The following ZNF385D variants were observed in gnomAD, a reference collection of about 807,000 sequenced individuals.
ZNF385D encodes the protein zinc finger protein 659.
Under a neutral mutation model 35.8 loss-of-function variants are expected in ZNF385D, and 15 were observed. The observed-to-expected ratio is 0.42, with a 90% CI of 0.28 to 0.64. The LOEUF is 0.64. Ranked by LOEUF, ZNF385D falls within the 30% of genes least tolerant of loss-of-function variation. The probability of loss-of-function intolerance (pLI) is 0.23; values close to 1 mark genes in which losing one functional copy is unlikely to be tolerated. For missense variants in ZNF385D, 474 were observed against 494.6 expected (o/e 0.96, Z 0.39); for synonymous variants, 212 against 186.8 (o/e 1.13, Z -1.10).
chr3:21,745,955 T>G, intron 1 of ZNF385D, among the ~76,000 whole-genome samples: 1 of 152,222 alleles, frequency 6.6e-6, no homozygotes, highest in South Asian at 2.1e-4. Flanking sequence ...CTTAATGTAT[T>G]ACATTTCAAA....
At chr3:22,318,826 A>G (rs931753272) in intron 2 of ZNF385D, among the ~76,000 whole-genome samples, 5 of 152,324 alleles carry the variant, frequency 3.3e-5, no homozygotes, top group Admixed American at 3.3e-4. Context: ...AATGATTAGC[A>G]GACTGGAAGT....
rs1210654351 is a variant in ZNF385D at position 21,952,144 on chromosome 3, T to A, written c.325+216673A>T. ...TCAATTGTTATATGTGATGTAAATATGATGTAGTAACTATGATGGTTTCCT... is the reference window on the plus strand; with the variant it reads ...TCAATTGTTATATGTGATGTAAATAAGATGTAGTAACTATGATGGTTTCCT... On this transcript the variant is annotated intron_variant, in intron 3 of 5. Transcript: ENST00000494108. Among the ~76,000 whole-genome samples, 2 of 152,034 alleles carry A rather than the reference T, an allele frequency of 1.3e-5. 1 individual carries two copies. The highest frequency in any genetic ancestry group is 4.8e-5 in the African/African-American group (2 of 41,444).
At chr3:21,768,478 C>T (rs1463787746) in intron 3 of ZNF385D, among the ~76,000 whole-genome samples, 1 of 151,804 alleles carries the variant, frequency 6.6e-6, no homozygotes, top group East Asian at 1.9e-4. Flanking sequence ...CTATTGAAGG[C>T]TTCAAACTTC....
chr3:21,511,532 C>A (rs1707200704), intron 3 of ZNF385D: 2 of 372,226 alleles, frequency 5.4e-6, no homozygotes, highest in African/African-American at 2.1e-5. Flanking sequence ...GAGATTGAAG[C>A]TTTAGAGTTC....
intron 2 of ZNF385D, among the ~76,000 whole-genome samples, chr3:22,180,112 C>T (rs571477740): frequency 1.3e-5 from 2 of 152,234 alleles, no homozygotes; most frequent in African/African-American, 4.8e-5. Flanking sequence ...GATATAACCA[C>T]CTATCCCACA....
chr3:21,663,912 TA>T lies in ZNF385D; in HGVS notation c.165+973del, dbSNP rs1345431515. Among the ~76,000 whole-genome samples, 88 of 126,818 alleles carry T rather than the reference TA, an allele frequency of 6.9e-4. 3 individuals are homozygous for T. The highest frequency in any genetic ancestry group is 1.5e-3 in the Admixed American group (19 of 12,340). 83.2% of individuals were successfully genotyped at this position (126,818 alleles called of 152,430 possible). On this transcript the variant is annotated intron_variant, in intron 2 of 7. Transcript: ENST00000281523. ...CCGAATATATATATATATATATATA[TA>T]TATATTTATTTATTTAAATCCATCA... is the stretch of plus-strand genomic sequence containing the variant.
At chr3:21,446,833 A>C (rs1702183825) in intron 4 of ZNF385D, among the ~76,000 whole-genome samples, 1 of 152,084 alleles carries the variant, frequency 6.6e-6, no homozygotes, top group Admixed American at 6.6e-5. Context: ...TTTGATAACA[A>C]ATGAGGAAGG....
chr3:22,325,106 A>G (rs566440679), intron 2 of ZNF385D, among the ~76,000 whole-genome samples: 128 of 152,362 alleles, frequency 8.4e-4, no homozygotes, highest in African/African-American at 3.0e-3. Flanking sequence ...TATAAAGTGT[A>G]ATTATGTATA....
chr3:22,258,790 T>C (rs1421125909), intron 2 of ZNF385D, among the ~76,000 whole-genome samples: 1 of 151,816 alleles, frequency 6.6e-6, no homozygotes, highest in Non-Finnish European at 1.5e-5. Flanking sequence ...TAACATGTTT[T>C]ATAAAAAATA....
intron 3 of ZNF385D, chr3:21,878,253 G>T (rs1419015565): frequency 6.6e-6 from 1 of 151,888 alleles, no homozygotes; most frequent in Admixed American, 6.6e-5. Context: ...TCATAAAAAC[G>T]AGAGTTTGGA....
intron 3 of ZNF385D, among the ~76,000 whole-genome samples, chr3:21,553,440 A>G (rs551526317): frequency 6.6e-6 from 1 of 152,334 alleles, no homozygotes; most frequent in East Asian, 1.9e-4. Context: ...GCTATTGCTG[A>G]AAAATGCTAA....
intron 2 of ZNF385D, among the ~76,000 whole-genome samples, chr3:22,364,476 T>C (rs1002954546): frequency 6.6e-6 from 1 of 152,016 alleles, no homozygotes; most frequent in African/African-American, 2.4e-5. Context: ...GACATACAAA[T>C]GGCTAACGAG....
chr3:22,010,704 A>T (rs1031190883), intron 3 of ZNF385D, among the ~76,000 whole-genome samples: 1 of 152,214 alleles, frequency 6.6e-6, no homozygotes, highest in Non-Finnish European at 1.5e-5. Flanking sequence ...CCTCGCTCAG[A>T]GCCAGAAGAG....
At chr3:21,887,231 G>T (rs946384892) in intron 3 of ZNF385D, among the ~76,000 whole-genome samples, 1 of 152,074 alleles carries the variant, frequency 6.6e-6, no homozygotes, top group South Asian at 2.1e-4. Context: ...AAGATATTTG[G>T]GCTTGTGGAT....
chr3:22,302,408 T>C (rs576618384), intron 2 of ZNF385D, among the ~76,000 whole-genome samples: 2 of 151,744 alleles, frequency 1.3e-5, no homozygotes, highest in South Asian at 2.1e-4. Flanking sequence ...ATAATTGTAT[T>C]GGTATATGCA....
chr3:22,097,038 GA>G (rs1398341463), intron 3 of ZNF385D, among the ~76,000 whole-genome samples: 3 of 152,062 alleles, frequency 2.0e-5, no homozygotes. Context: ...ACAAGGAGAG[GA>G]TCTCTAGGAG....
chr3:21,532,742 A>G (rs557427097), intron 3 of ZNF385D, among the ~76,000 whole-genome samples: 2 of 150,770 alleles, frequency 1.3e-5, no homozygotes, highest in African/African-American at 4.8e-5. Context: ...GTTTTTGTTT[A>G]TCTCTCACCA....
At chr3:22,086,333 C>A (rs1348384353) in intron 3 of ZNF385D, among the ~76,000 whole-genome samples, 1 of 152,186 alleles carries the variant, frequency 6.6e-6, no homozygotes, top group African/African-American at 2.4e-5. Flanking sequence ...TCTCCTTAAG[C>A]TGATAAGCAA....
chr3:22,292,241 A>G (rs1358553766), intron 2 of ZNF385D, among the ~76,000 whole-genome samples: 2 of 152,096 alleles, frequency 1.3e-5, no homozygotes, highest in African/African-American at 2.4e-5. Context: ...TAGAAGGTCT[A>G]TCTTCTGAGC....
Sources: gnomAD v4.1 joint callset for allele counts (sites outside exome capture counted in the v4.1 genomes callset) on GRCh38, gnomAD v4.1.1 for gene constraint, MANE v1.5 for transcripts, NCBI Gene and HGNC (gene_info 2026-07-23, HGNC 2026-07-21) for gene names.